ENTPD2: variants seen among roughly 807,000 people sequenced by gnomAD.
The protein encoded by ENTPD2 is CD39 antigen-like 1.
In ENTPD2, 48 loss-of-function variants were observed where a neutral mutation model predicts 46.8. The observed-to-expected ratio is 1.03, with a 90% CI of 0.81 to 1.30. ENTPD2 has a LOEUF of 1.30. Ranked by LOEUF, ENTPD2 falls within the 50% of genes most tolerant of loss-of-function variation. ENTPD2 has a pLI of 0.00. For synonymous variants in ENTPD2, 316 were observed against 286.1 expected (o/e 1.10, Z -1.06); for missense variants, 707 against 651.1 (o/e 1.09, Z -0.93).
rs1415003188 is a variant in ENTPD2, at chr9:137,050,444, G to T, written c.869C>A (p.Pro290His). 2 of 1,612,928 alleles carry T rather than the reference G, an allele frequency of 1.2e-6. No individual in the cohort carries two copies. Among genetic ancestry groups the T allele is most frequent in the South Asian group, 1.1e-5 (1 of 91,080 alleles). Reference sequence around the variant, plus strand: ...CCTGGCACTGCTGTTGAAGTTCTGGGGCCGCTGGGCCATGGTGCATGGTGA... The same window carrying T: ...CCTGGCACTGCTGTTGAAGTTCTGGTGCCGCTGGGCCATGGTGCATGGTGA... ...YQSPCTMAQR[P>H]QNFNSSARVS... Residue 290 changes from proline (P) to histidine (H), a missense_variant, in exon 6 of 9, where the codon CCC (proline) becomes CAC (histidine). Physicochemically the swap from Pro to His is moderately conservative, Grantham distance 77 (BLOSUM62 -2). Coordinates refer to ENST00000355097, the MANE Select transcript of ENTPD2 (RefSeq NM_203468.3).
At chr9:137,052,688 T>G in intron 1 of ENTPD2, 1 of 171,328 alleles carries the variant, frequency 5.8e-6, no homozygotes, top group Non-Finnish European at 1.3e-5. Flanking sequence ...GGGCACAAGT[T>G]TCCCAGGCTC....
In ENTPD2 at chr9:137,053,956, C is replaced by T; in HGVS notation, c.42G>A (p.Leu14=). The T allele has an allele frequency of 8.2e-7, 1 of 1,223,452 alleles. No individual in the cohort carries two copies. The highest frequency in any genetic ancestry group is 1.0e-6 in the Non-Finnish European group (1 of 982,814). 75.8% of individuals were successfully genotyped at this position (1,223,452 alleles called of 1,614,324 possible). The part of the protein sequence containing the change: ...KVRSLLPPLL[L]AAAGLAGLLL... ...GGAGGCCGGCGAGGCCCGCGGCGGC[C>T]AGCAGCAGCGGCGGCAGCAGTGACC... The change falls in exon 1 of 9, where the codon CTG becomes CTA. Residue 14 remains leucine (L), a synonymous_variant. Coordinates refer to ENST00000355097, the MANE Select transcript of ENTPD2 (RefSeq NM_203468.3).
intron 7 of ENTPD2, chr9:137,049,362 T>C: frequency 1.5e-6 from 1 of 654,622 alleles, no homozygotes; most frequent in Non-Finnish European, 2.8e-6. Flanking sequence ...CACCTTGGTG[T>C]GTGGCCAGGG....
intron 1 of ENTPD2, 94 bp downstream of exon 1, chr9:137,053,787 G>T: frequency 1.2e-6 from 1 of 843,558 alleles, no homozygotes; most frequent in Non-Finnish European, 1.6e-6. Flanking sequence ...GGGGTCCCGG[G>T]CTGATCCTGC....
rs35983961 is a variant in ENTPD2 at position 137,051,098 on chromosome 9, C to T, written c.578G>A (p.Arg193Gln). ...YGWVGRWFRP[R>Q]KGTLGAMDLG... Reference sequence around the variant, plus strand: ...GTCCATGGCCCCCAGTGTCCCCTTCCGTGGCCGGAACCACCGGCCCACCCA... The same window carrying T: ...GTCCATGGCCCCCAGTGTCCCCTTCTGTGGCCGGAACCACCGGCCCACCCA... Residue 193 changes from arginine (R) to glutamine (Q), a missense_variant, in exon 5 of 9, where the codon CGG becomes CAG. By Grantham distance (43) the Arg-to-Gln change is conservative (BLOSUM62 1). Transcript: ENST00000355097. The T allele has an allele frequency of 5.9e-3, 9,512 of 1,612,738 alleles. 508 individuals are homozygous for T. The African/African-American group carries it at 0.11, about 19-fold the overall frequency.
chr9:137,049,807 G>T, intron 7 of ENTPD2, 63 bp downstream of exon 7: 1 of 1,544,908 alleles, frequency 6.5e-7, no homozygotes, highest in South Asian at 1.2e-5. Context: ...GGGCTGGGGA[G>T]GCATGCGGAG....
In ENTPD2 at chr9:137,048,974, C is replaced by T; in HGVS notation, c.1251G>A (p.Glu417=). ...GGAAGATCACGCCGCCGAAGGCGCG[C>T]TCGTCGAAGCCGTAGCCGCGACTCA... The part of the protein sequence containing the change: ...QLLSRGYGFD[E]RAFGGVIFQK... Residue 417 remains glutamate, a synonymous_variant, in exon 8 of 9, where the codon GAG becomes GAA. Transcript: ENST00000355097. The T allele has an allele frequency of 6.5e-7, 1 of 1,534,482 alleles. No homozygotes were observed. Among genetic ancestry groups the T allele is most frequent in the South Asian group, 1.2e-5 (1 of 83,918 alleles).
At position 137,052,238 on chromosome 9, in the gene ENTPD2, A is replaced by G. The variant is rs766858896; in HGVS notation, c.228T>C (p.Asp76=). Residue 76 remains aspartate, a synonymous_variant, in exon 2 of 9, where the codon GAT becomes GAC. Transcript: ENST00000355097. ...GGCTGGGCTGGGCCTCACCTGGAACATCACAGGAGCTGTGCTGGCCCACAA... is the reference window on the plus strand; with the variant it reads ...GGCTGGGCTGGGCCTCACCTGGAACGTCACAGGAGCTGTGCTGGCCCACAA... ...TGIVGQHSSC[D]VPGGGISSYA... is the part of the protein sequence containing the mutation. 6.2e-7 allele frequency: 1 copy of G among 1,612,462 alleles called. No homozygotes were observed. The highest frequency in any genetic ancestry group is 1.7e-5 in the Admixed American group (1 of 59,994).
In ENTPD2 at chr9:137,050,321, T is replaced by G; in HGVS notation, c.992A>C (p.Asn331Thr). The change falls in exon 6 of 9, where the codon AAT becomes ACT. Residue 331 changes from asparagine (N) to threonine (T), a missense_variant. Asn to Thr is a moderately conservative substitution (Grantham distance 65). Coordinates refer to ENST00000355097, the MANE Select transcript of ENTPD2 (RefSeq NM_203468.3). ...AGCCACTGGGGGCTGGAAGACCCCA[T>G]TGAAAGAGCATCGGGAGAAGGGGCA... Reference protein sequence around the residue: ...SSCPFSRCSFNGVFQPPVAGN... With the variant: ...SSCPFSRCSFTGVFQPPVAGN... The G allele has an allele frequency of 1.2e-6, 2 of 1,611,420 alleles. No homozygotes were observed. The highest frequency in any genetic ancestry group is 1.7e-6 in the Non-Finnish European group (2 of 1,179,058).
Position 137,049,920 on chromosome 9 carries a change from G to C in ENTPD2, c.1099C>G (p.Gln367Glu), listed in dbSNP as rs1453432824. The C allele has an allele frequency of 1.9e-6, 3 of 1,612,526 alleles. No individual in the cohort carries two copies. The highest frequency in any genetic ancestry group is 2.2e-5 in the South Asian group (2 of 91,074). ...TSMGLPVATLQQLEAAAVNVC... is the reference protein window; with the variant it reads ...TSMGLPVATLEQLEAAAVNVC... ...TTCACTGCGGCTGCCTCCAGCTGCTGCAGGGTGGCCACGGGCAGCCCCATC... is the reference window on the plus strand; with the variant it reads ...TTCACTGCGGCTGCCTCCAGCTGCTCCAGGGTGGCCACGGGCAGCCCCATC... The change falls in exon 7 of 9, where the codon CAG becomes GAG. Residue 367 changes from glutamine (Q) to glutamate (E), a missense_variant. Physicochemically the swap from Gln to Glu is conservative, Grantham distance 29 (BLOSUM62 2). Transcript: ENST00000355097.
At chr9:137,049,104 A>T (rs1165220401) in intron 7 of ENTPD2, 29 bp from the exon 8 acceptor site, 33 of 1,529,750 alleles carry the variant, frequency 2.2e-5, no homozygotes, top group Non-Finnish European at 2.9e-5. Context: ...ACCGTCAGGC[A>T]GGCGACCACC....
At chr9:137,050,853 G>A (rs1832273319) in intron 5 of ENTPD2, 49 bp downstream of exon 5, 2 of 1,582,486 alleles carry the variant, frequency 1.3e-6, no homozygotes, top group East Asian at 4.5e-5. Flanking sequence ...TCCAGGCTCT[G>A]CTCCAGGAGG....
At chr9:137,052,036 G>C (rs1304032445) in intron 2 of ENTPD2, among the ~76,000 whole-genome samples, 195 bp downstream of exon 2, 4 of 152,160 alleles carry the variant, frequency 2.6e-5, no homozygotes, top group African/African-American at 7.2e-5. Flanking sequence ...TGCTGCCTAG[G>C]CTTCCTTTCT....
intron 1 of ENTPD2, chr9:137,053,493 A>G: frequency 5.9e-6 from 1 of 169,848 alleles, no homozygotes; most frequent in Non-Finnish European, 1.3e-5. Context: ...GCGGCGGCAC[A>G]GGGCAGAAGT....
chr9:137,049,104 A>G (rs1165220401), intron 7 of ENTPD2, 29 bp from the exon 8 acceptor site: 2 of 1,529,868 alleles, frequency 1.3e-6, no homozygotes, highest in Non-Finnish European at 1.7e-6. Context: ...ACCGTCAGGC[A>G]GGCGACCACC....
chr9:137,048,316 A>C lies in ENTPD2; in HGVS notation c.*341T>G. 4.2e-6 allele frequency: 1 copy of C among 236,762 alleles called. No individual in the cohort carries two copies. Among genetic ancestry groups the C allele is most frequent in the Non-Finnish European group, 8.3e-6 (1 of 119,882 alleles). 14.7% of individuals were successfully genotyped at this position (236,762 alleles called of 1,614,324 possible). A position where few individuals can be genotyped will look rare whatever the true frequency, so the allele number is the denominator to read the frequency against. ...GGGCCTGCAGTGATGCCCAGGCTGA[A>C]GCGGGCTGGAGGGGTTCAAGGAGCT... On this transcript the variant is annotated 3_prime_UTR_variant, in exon 9 of 9. Transcript: ENST00000355097.
intron 1 of ENTPD2, among the ~76,000 whole-genome samples, chr9:137,053,627 C>A (rs1832344547): frequency 6.6e-6 from 1 of 152,212 alleles, no homozygotes; most frequent in Non-Finnish European, 1.5e-5. Context: ...ACGGACTCGG[C>A]GGCGGGCGCG....
rs1039479087 is a variant in ENTPD2, at chr9:137,048,445, G to A, written c.*212C>T. The A allele has an allele frequency of 1.9e-6, 1 of 526,342 alleles. No individual in the cohort carries two copies. Among genetic ancestry groups the A allele is most frequent in the Admixed American group, 3.6e-5 (1 of 27,544 alleles). The allele number at this position is 526,342 out of a possible 1,614,324, so 32.6% of individuals were successfully genotyped here. On this transcript the variant is annotated 3_prime_UTR_variant, in exon 9 of 9. Transcript: ENST00000355097. ...CAGAGACGCTGAGGGTGGGGTGGAA[G>A]GATGGAGAAGACAGTGGTGGGGTGG...
At chr9:137,053,161 G>C (rs1330375561) in intron 1 of ENTPD2, 2 of 152,360 alleles carry the variant, frequency 1.3e-5, no homozygotes, top group Non-Finnish European at 2.9e-5. Context: ...CGCGTGCACC[G>C]CCACATGGCC....
Sources: allele counts gnomAD v4.1 joint callset (sites outside exome capture counted in the v4.1 genomes callset), GRCh38; gene constraint gnomAD v4.1.1; transcripts MANE v1.5; gene names NCBI Gene and HGNC (gene_info 2026-07-23, HGNC 2026-07-21).